GNAS: variants seen among roughly 807,000 people sequenced by gnomAD.
GNAS encodes the protein protein ALEX.
In GNAS, 8 loss-of-function variants were observed where a neutral mutation model predicts 54.5. That is an observed-to-expected ratio of 0.15 (90% CI 0.09 to 0.26). The LOEUF (loss-of-function observed/expected upper bound fraction) is 0.26. Ranked by LOEUF, GNAS falls within the 10% of genes least tolerant of loss-of-function variation. The pLI is 1.00. For missense variants in GNAS, 170 were observed against 529.8 expected, an observed-to-expected ratio of 0.32 and a Z score of 6.67; for synonymous variants, 204 against 191.4, an observed-to-expected ratio of 1.07 and a Z score of -0.54.
chr20:58,853,207 C>A lies in GNAS; in HGVS notation c.43+12321C>A, dbSNP rs1420514818. ...TAATAATAATTTTTTCACCCTAGTT[C>A]GGTTGGGTGCTCCATCTTACGGAGC... On this transcript the variant is annotated intron_variant, in intron 1 of 12. Transcript: ENST00000306090. The surrounding 1 kb of genome is among the most constrained non-coding windows in gnomAD (Gnocchi z 4.4). The A allele has an allele frequency of 2.0e-6, 3 of 1,477,658 alleles. No individual in the cohort carries two copies. The highest frequency in any genetic ancestry group is 2.7e-6 in the Non-Finnish European group (3 of 1,111,936). 91.5% of individuals were successfully genotyped at this position (1,477,658 alleles called of 1,614,324 possible). A position where few individuals can be genotyped will look rare whatever the true frequency, so the allele number is the denominator to read the frequency against.
chr20:58,891,712 G>C lies in GNAS; in HGVS notation c.-15G>C, dbSNP rs2145913819. ...CGCCGCAGCCCGGCCGCGCCCCGCC[G>C]CCGCCGCCGCCGCCATGGGCTGCCT... On this transcript the variant is annotated 5_prime_UTR_variant, in exon 1 of 13. Coordinates refer to ENST00000371085, the MANE Select transcript of GNAS (RefSeq NM_000516.7). The C allele has an allele frequency of 9.3e-7, 1 of 1,080,474 alleles. No individual in the cohort carries two copies. The highest frequency in any genetic ancestry group is 1.2e-6 in the Non-Finnish European group (1 of 868,300). The allele number at this position is 1,080,474 out of a possible 1,614,324, so 66.9% of individuals were successfully genotyped here. A position where few individuals can be genotyped will look rare whatever the true frequency, so the allele number is the denominator to read the frequency against.
In GNAS at chr20:58,853,279, A is replaced by G; in HGVS notation, c.43+12393A>G. On this transcript the variant is annotated intron_variant, in intron 1 of 12. Coordinates refer to the GNAS transcript ENST00000306090. The surrounding 1 kb of genome is among the most constrained non-coding windows in gnomAD (Gnocchi z 4.4). ...CGCCACCGTGTTATGGGCGTGCGCA[A>G]CTGCCTCTACGGCAATAATATGTCA... 5.2e-6 allele frequency: 8 copies of G among 1,547,802 alleles called. No individual in the cohort carries two copies. The highest frequency in any genetic ancestry group is 1.2e-5 in the South Asian group (1 of 84,032).
chr20:58,867,754 T>C (rs1447494899), intron 1 of GNAS, among the ~76,000 whole-genome samples: 3 of 152,214 alleles, frequency 2.0e-5, no homozygotes, highest in Non-Finnish European at 4.4e-5. Context: ...TGCCAAGTAT[T>C]CCTGGGGTCC....
At chr20:58,893,066 C>CTTTTTTTTT (rs869179421) in intron 1 of GNAS, among the ~76,000 whole-genome samples, 18 of 103,088 alleles carry the variant, frequency 1.7e-4, no homozygotes, top group African/African-American at 2.5e-4. Context: ...GGCGTGGTTT[C>CTTTTTTTTT]TTTTTTTTTT....
chr20:58,903,830 C>A, intron 5 of GNAS, 39 bp downstream of exon 5: 1 of 1,611,826 alleles, frequency 6.2e-7, no homozygotes, highest in South Asian at 1.1e-5. Context: ...TAGCCCCGCC[C>A]ACCTGAGCAC....
chr20:58,842,180 CACCTTCGGAAG>C (rs1458285686), intron 1 of GNAS: 8 of 398,476 alleles, frequency 2.0e-5, no homozygotes, highest in African/African-American at 1.6e-4. Context: ...TCTGGTAACG[CACCTTCGGAAG>C]GGAAGGCGTG....
chr20:58,902,829 TCAAG>T (rs2090753307), intron 3 of GNAS, among the ~76,000 whole-genome samples: 1 of 138,086 alleles, frequency 7.2e-6, no homozygotes, highest in South Asian at 2.5e-4. Flanking sequence ...CCTCCCGGGT[TCAAG>T]CAATTCTCCT....
chr20:58,889,308 G>C (rs1359388268), upstream of GNAS: 2 of 990,138 alleles, frequency 2.0e-6, no homozygotes, highest in Non-Finnish European at 2.4e-6. Flanking sequence ...GCGGCGGCGG[G>C]CGGCCGGCAG....
At chr20:58,897,653 C>G (rs2090191914) in intron 2 of GNAS, 1 of 152,176 alleles carries the variant, frequency 6.6e-6, no homozygotes, top group African/African-American at 2.4e-5. Context: ...ACCAGAACTT[C>G]TCTTTTCTGT....
chr20:58,854,873 G>T (rs1330262617), intron 1 of GNAS: 2 of 1,595,272 alleles, frequency 1.3e-6, no homozygotes, highest in Non-Finnish European at 8.5e-7. Context: ...CCGAGATCCA[G>T]GCTGCCGATC....
rs1230331964 is a variant in GNAS at position 58,873,633 on chromosome 20, G to A, written c.44-21979G>A. 2.6e-5 allele frequency among the ~76,000 whole-genome samples: 4 copies of A among 152,160 alleles called. No homozygotes were observed. The highest frequency in any genetic ancestry group is 9.7e-5 in the African/African-American group (4 of 41,434). On this transcript the variant is annotated intron_variant, in intron 1 of 12. Coordinates refer to the GNAS transcript ENST00000306090. This position sits in a 1 kb window ranked among gnomAD's most constrained non-coding sequence, Gnocchi z 4.3. ...CTAAGCTTGCAGTAGCTGCTCACGT[G>A]TCTGCCACGCCCCTTAGAAGGACGA...
chr20:58,896,816 T>C (rs1333563531), intron 2 of GNAS, among the ~76,000 whole-genome samples: 1 of 152,136 alleles, frequency 6.6e-6, no homozygotes, highest in Non-Finnish European at 1.5e-5. Context: ...TTGAGTTGCT[T>C]CAGCTTCCAT....
chr20:58,906,679 C>T (rs2091080962), intron 6 of GNAS, among the ~76,000 whole-genome samples: 1 of 152,084 alleles, frequency 6.6e-6, no homozygotes, highest in African/African-American at 2.4e-5. Flanking sequence ...CTACAGGTGC[C>T]TGCCGCCACA....
At chr20:58,845,675 C>A (rs1275628313) in intron 1 of GNAS, among the ~76,000 whole-genome samples, 1 of 152,140 alleles carries the variant, frequency 6.6e-6, no homozygotes, top group Non-Finnish European at 1.5e-5. Flanking sequence ...TGTTTTCTTT[C>A]CCTTGTTTAA....
chr20:58,855,162 T>A, intron 1 of GNAS: 1 of 1,611,700 alleles, frequency 6.2e-7, no homozygotes, highest in South Asian at 1.1e-5. Context: ...AGCCTCGCGC[T>A]CTCTCAAGGT....
At chr20:58,868,499 GT>G (rs1187162108) in intron 1 of GNAS, among the ~76,000 whole-genome samples, 1 of 151,814 alleles carries the variant, frequency 6.6e-6, no homozygotes, top group African/African-American at 2.4e-5. Flanking sequence ...CAGAGTTAGG[GT>G]CTGATTTCAG....
At chr20:58,891,130 G>C (rs1428655915), upstream of GNAS, among the ~76,000 whole-genome samples, 1 of 148,806 alleles carries the variant, frequency 6.7e-6, no homozygotes, top group Non-Finnish European at 1.5e-5. Context: ...CGAGCCCGGG[G>C]GGTGGGGGGC....
At chr20:58,878,912 T>TGGGGGGGGGGGGGGGGG (rs11086659) in intron 1 of GNAS, among the ~76,000 whole-genome samples, 114 of 95,362 alleles carry the variant, frequency 1.2e-3, no homozygotes, top group Non-Finnish European at 1.3e-3. Context: ...GGGGTGCGGG[T>TGGGGGGGGGGGGGGGGG]GGGGGGGGGA....
chr20:58,877,328 T>TG, intron 1 of GNAS, among the ~76,000 whole-genome samples: 1 of 151,754 alleles, frequency 6.6e-6, no homozygotes, highest in African/African-American at 2.4e-5. Context: ...GCCTATTCTG[T>TG]GGGGGCCCAG....
Sources: allele counts gnomAD v4.1 joint callset (sites outside exome capture counted in the v4.1 genomes callset), GRCh38; gene constraint gnomAD v4.1.1; non-coding constraint Gnocchi (gnomAD v3.1); transcripts MANE v1.5; gene names NCBI Gene and HGNC (gene_info 2026-07-23, HGNC 2026-07-21).